The following PLCL1 variants were observed in gnomAD, a reference collection of about 807,000 sequenced individuals.
PLCL1 encodes the protein phospholipase C like 1 (inactive).
A neutral mutation model predicts 84.4 loss-of-function variants in PLCL1; 41 were observed. The ratio of observed to expected loss-of-function variants is 0.49; its 90% CI spans 0.38 to 0.63. The LOEUF (loss-of-function observed/expected upper bound fraction) is 0.63, where lower values mean the gene tolerates loss of function less well. Ranked by LOEUF, PLCL1 falls within the 30% of genes least tolerant of loss-of-function variation. PLCL1 has a pLI of 0.00. For synonymous variants in PLCL1, 490 were observed against 488.3 expected (o/e 1.00, Z -0.05); for missense variants, 1,206 against 1,367.8 (o/e 0.88, Z 1.87).
chr2:198,097,142 C>T (rs920105490), intron 3 of PLCL1, among the ~76,000 whole-genome samples: 1 of 152,166 alleles, frequency 6.6e-6, no homozygotes, highest in Non-Finnish European at 1.5e-5. Context: ...AAAAAAAGAA[C>T]TGTCTGCTGG....
rs1401358736 is a variant in PLCL1 at position 197,985,187 on chromosome 2, G to A, written c.241-98571G>A. Among the ~76,000 whole-genome samples, 10 of 152,178 alleles carry A rather than the reference G, an allele frequency of 6.6e-5. 1 individual carries two copies. Among genetic ancestry groups the A allele is most frequent in the Admixed American group, 6.5e-4 (10 of 15,276 alleles). ...AAATCCTACTAGCTGTGTAACTGTTGCCCACTAGCTGTATAACTCTGAGCC... is the reference window on the plus strand; with the variant it reads ...AAATCCTACTAGCTGTGTAACTGTTACCCACTAGCTGTATAACTCTGAGCC... On this transcript the variant is annotated intron_variant, in intron 1 of 5. Coordinates refer to ENST00000428675, the MANE Select transcript of PLCL1 (RefSeq NM_006226.4).
intron 3 of PLCL1, among the ~76,000 whole-genome samples, chr2:198,094,504 C>A (rs1381417211): frequency 1.5e-5 from 2 of 133,926 alleles, no homozygotes; most frequent in East Asian, 2.0e-4. Flanking sequence ...AAGGCACACT[C>A]TCCCCTGTCT....
At chr2:197,997,325 T>C (rs934666788) in intron 1 of PLCL1, among the ~76,000 whole-genome samples, 12 of 152,186 alleles carry the variant, frequency 7.9e-5, no homozygotes, top group African/African-American at 2.7e-4. Context: ...ATAACTCCTA[T>C]GAAATGAAAG....
intron 1 of PLCL1, among the ~76,000 whole-genome samples, chr2:197,881,306 A>C (rs1217272229): frequency 6.6e-6 from 1 of 152,108 alleles, no homozygotes; most frequent in East Asian, 1.9e-4. Context: ...ATTAATGTAA[A>C]ATTCCTGCTT....
intron 1 of PLCL1, among the ~76,000 whole-genome samples, chr2:197,838,541 T>C (rs541921820): frequency 6.6e-6 from 1 of 152,356 alleles, no homozygotes; most frequent in East Asian, 1.9e-4. Flanking sequence ...TAACATGCGG[T>C]ATGCTTTCAG....
intron 5 of PLCL1, among the ~76,000 whole-genome samples, chr2:198,104,451 T>C (rs1329715843): frequency 6.6e-6 from 1 of 152,146 alleles, no homozygotes; most frequent in African/African-American, 2.4e-5. Flanking sequence ...TTGACGGACA[T>C]GTAGGTTGAT....
intron 1 of PLCL1, among the ~76,000 whole-genome samples, chr2:198,049,756 G>A (rs1277561163): frequency 6.6e-6 from 1 of 152,168 alleles, no homozygotes; most frequent in Non-Finnish European, 1.5e-5. Context: ...CTGTGTGGTG[G>A]TCACACTGTC....
rs566441372 is a variant in PLCL1 at position 198,148,676 on chromosome 2, C to A, written c.*1714C>A. On this transcript the variant is annotated 3_prime_UTR_variant, in exon 6 of 6. Coordinates refer to ENST00000428675, the MANE Select transcript of PLCL1 (RefSeq NM_006226.4). ...GAATAGTGGAATGCAGGTGTTAAGC[C>A]CTTTGTGGTGAAAAAGAGGTTCTAT... The A allele has an allele frequency of 6.8e-4, 103 of 152,286 alleles. No homozygotes were observed. The highest frequency in any genetic ancestry group is 2.3e-3 in the African/African-American group (97 of 41,540). The allele number at this position is 152,286 out of a possible 1,614,324, so 9.4% of individuals were successfully genotyped here.
chr2:197,844,105 T>A (rs1173437705), intron 1 of PLCL1, among the ~76,000 whole-genome samples: 1 of 152,200 alleles, frequency 6.6e-6, no homozygotes, highest in Non-Finnish European at 1.5e-5. Flanking sequence ...TACTATTTTT[T>A]ATTTTTGGCA....
intron 5 of PLCL1, among the ~76,000 whole-genome samples, chr2:198,115,678 A>G (rs867295180): frequency 2.0e-5 from 3 of 151,850 alleles, no homozygotes; most frequent in South Asian, 2.1e-4. Context: ...AGAAGACGGA[A>G]GAAGAGCAAA....
intron 1 of PLCL1, among the ~76,000 whole-genome samples, chr2:198,040,465 C>T (rs1691632373): frequency 6.6e-6 from 1 of 152,072 alleles, no homozygotes; most frequent in South Asian, 2.1e-4. Flanking sequence ...CTTCTTTCTC[C>T]TGGTGGAGAT....
chr2:198,070,470 A>C (rs992983877), intron 1 of PLCL1, among the ~76,000 whole-genome samples: 1 of 152,050 alleles, frequency 6.6e-6, no homozygotes, highest in Non-Finnish European at 1.5e-5. Flanking sequence ...CAGATACATT[A>C]TAAAACTGAA....
chr2:197,812,243 T>C (rs1690601886), intron 1 of PLCL1, among the ~76,000 whole-genome samples: 1 of 152,222 alleles, frequency 6.6e-6, no homozygotes, highest in African/African-American at 2.4e-5. Context: ...GTTTTTGCTA[T>C]TGTGAAGAGT....
At chr2:198,001,896 G>A (rs72928581) in intron 1 of PLCL1, 120,016 of 379,848 alleles carry the variant, frequency 0.32, 21,584 homozygotes, top group Middle Eastern at 0.46. Flanking sequence ...TAGGTTACGT[G>A]TTCCTTATAA....
intron 1 of PLCL1, among the ~76,000 whole-genome samples, chr2:197,865,245 C>A (rs974532425): frequency 6.6e-6 from 1 of 152,100 alleles, no homozygotes; most frequent in Non-Finnish European, 1.5e-5. Context: ...GGGAAACCAG[C>A]AGGGGACGTA....
intron 1 of PLCL1, among the ~76,000 whole-genome samples, chr2:198,055,294 C>CCTCT (rs772260935): frequency 0.019 from 2,228 of 120,156 alleles, 34 homozygotes; most frequent in African/African-American, 0.021. Flanking sequence ...CTGGTCAAAG[C>CCTCT]CTCTCTCTCT....
intron 1 of PLCL1, among the ~76,000 whole-genome samples, chr2:197,807,471 G>A (rs1181066632): frequency 2.0e-5 from 3 of 152,314 alleles, no homozygotes; most frequent in Non-Finnish European, 2.9e-5. Context: ...AGGCCTTAAC[G>A]CCCTTCTAAG....
chr2:197,997,564 T>C (rs1214177067), intron 1 of PLCL1, among the ~76,000 whole-genome samples: 1 of 152,200 alleles, frequency 6.6e-6, no homozygotes, highest in Non-Finnish European at 1.5e-5. Context: ...TTCATGGCCC[T>C]GCACGCACTG....
At chr2:198,001,706 G>A (rs983466644) in intron 1 of PLCL1, among the ~76,000 whole-genome samples, 2 of 152,086 alleles carry the variant, frequency 1.3e-5, no homozygotes, top group Non-Finnish European at 2.9e-5. Context: ...TGGCTTGTTA[G>A]GAATCAGGCC....
Sources: gnomAD v4.1 joint callset for allele counts (sites outside exome capture counted in the v4.1 genomes callset) on GRCh38, gnomAD v4.1.1 for gene constraint, MANE v1.5 for transcripts, NCBI Gene and HGNC (gene_info 2026-07-23, HGNC 2026-07-21) for gene names.